ASIC2: variants seen among roughly 807,000 people sequenced by gnomAD.
The protein encoded by ASIC2 is acid sensing ion channel subunit 2.
In ASIC2, 25 loss-of-function variants were observed where a neutral mutation model predicts 57.3. That is an observed-to-expected ratio of 0.44 (90% CI 0.32 to 0.61). ASIC2 has a LOEUF of 0.61. Ranked by LOEUF, ASIC2 falls within the 20% of genes least tolerant of loss-of-function variation. The pLI is 0.06. For synonymous variants in ASIC2, 319 were observed against 307.5 expected, an observed-to-expected ratio of 1.04 and a Z score of -0.39; for missense variants, 641 against 738.1, an observed-to-expected ratio of 0.87 and a Z score of 1.52.
intron 1 of ASIC2, among the ~76,000 whole-genome samples, chr17:34,062,374 T>C (rs150133996): frequency 0.01 from 1,580 of 152,172 alleles, 22 homozygotes; most frequent in African/African-American, 0.034. Context: ...GCAGCAAAAG[T>C]GGCGTTAAGA....
In ASIC2 at chr17:33,854,683, A is replaced by G. The variant is rs576149485; in HGVS notation, c.555+301295T>C. Among the ~76,000 whole-genome samples, 17 of 152,254 alleles carry G rather than the reference A, an allele frequency of 1.1e-4. No individual in the cohort carries two copies. In the East Asian group the frequency reaches 1.2e-3, roughly 10 times the overall value. ...GTGTCTAAGCTGTGCCAACCTGCAC[A>G]TTTGGGTGAGTGGCCCCTGTGGATT... is the stretch of plus-strand genomic sequence containing the variant. On this transcript the variant is annotated intron_variant, in intron 1 of 9. Coordinates refer to the ASIC2 transcript ENST00000359872.
chr17:33,251,419 C>T (rs1389152061), intron 1 of ASIC2, among the ~76,000 whole-genome samples: 1 of 152,090 alleles, frequency 6.6e-6, no homozygotes, highest in East Asian at 1.9e-4. Flanking sequence ...AACCTCGAAC[C>T]CCTAGGCTCA....
At position 33,120,224 on chromosome 17, in the gene ASIC2, C is replaced by T. The variant is rs189931742; in HGVS notation, c.709-8157G>A. Reference sequence around the variant, plus strand: ...GCCCATCTGCTGTGATGTGACATTTCCTGTGCTGCTTTCACTAACTGGCAG... The same window carrying T: ...GCCCATCTGCTGTGATGTGACATTTTCTGTGCTGCTTTCACTAACTGGCAG... On this transcript the variant is annotated intron_variant, in intron 1 of 9. Transcript: ENST00000225823. Among the ~76,000 whole-genome samples the T allele has an allele frequency of 3.6e-3, 553 of 152,322 alleles. 3 individuals are homozygous for T. Among genetic ancestry groups the T allele is most frequent in the Admixed American group, 8.4e-3 (128 of 15,300 alleles).
intron 1 of ASIC2, among the ~76,000 whole-genome samples, chr17:33,424,248 A>G (rs1911140638): frequency 6.6e-6 from 1 of 152,138 alleles, no homozygotes; most frequent in South Asian, 2.1e-4. Flanking sequence ...GCCACCTAGA[A>G]CTTTAAATAG....
chr17:33,119,782 G>A (rs1045800862), intron 1 of ASIC2, among the ~76,000 whole-genome samples: 1 of 152,224 alleles, frequency 6.6e-6, no homozygotes, highest in Non-Finnish European at 1.5e-5. Flanking sequence ...GGCAGGTGCT[G>A]TTTCTGAAAA....
intron 3 of ASIC2, among the ~76,000 whole-genome samples, chr17:33,072,695 C>T (rs1217549124): frequency 1.3e-5 from 2 of 152,192 alleles, no homozygotes; most frequent in Non-Finnish European, 2.9e-5. Flanking sequence ...TAGTGATCTG[C>T]TCATGGCTAC....
chr17:33,433,657 G>A (rs1911498628), intron 1 of ASIC2, among the ~76,000 whole-genome samples: 2 of 152,190 alleles, frequency 1.3e-5, no homozygotes, highest in East Asian at 3.9e-4. Flanking sequence ...GGCTGAGACA[G>A]GAGAATCGCT....
chr17:33,718,713 G>A (rs759422434), intron 1 of ASIC2, among the ~76,000 whole-genome samples: 1 of 152,228 alleles, frequency 6.6e-6, no homozygotes, highest in South Asian at 2.1e-4. Context: ...TCCCCAAAGA[G>A]GTGGGAGGTG....
intron 1 of ASIC2, among the ~76,000 whole-genome samples, chr17:34,121,049 GTCC>G (rs1204649380): frequency 6.6e-6 from 1 of 151,988 alleles, no homozygotes; most frequent in Non-Finnish European, 1.5e-5. Flanking sequence ...CAGTACTGGT[GTCC>G]TCCTAATAAG....
chr17:33,618,865 T>C (rs1474802774), intron 1 of ASIC2, among the ~76,000 whole-genome samples: 2 of 152,218 alleles, frequency 1.3e-5, no homozygotes, highest in South Asian at 4.1e-4. Flanking sequence ...GGCTCTCTCA[T>C]GAGCCTGGCC....
Position 33,114,928 on chromosome 17 carries a change from T to C in ASIC2, c.709-2861A>G, listed in dbSNP as rs149720544. On this transcript the variant is annotated intron_variant, in intron 1 of 9. Coordinates refer to ENST00000225823, the MANE Select transcript of ASIC2 (RefSeq NM_183377.2). ...CTAGCGGGGTGCTAAGATCCCCCCATCTCTGAACTTCAATTGATCATTGAC... is the reference window on the plus strand; with the variant it reads ...CTAGCGGGGTGCTAAGATCCCCCCACCTCTGAACTTCAATTGATCATTGAC... Among the ~76,000 whole-genome samples, 171 of 152,294 alleles carry C rather than the reference T, an allele frequency of 1.1e-3. 1 individual carries two copies. Among genetic ancestry groups the C allele is most frequent in the African/African-American group, 3.7e-3 (155 of 41,564 alleles).
At chr17:34,101,179 T>C (rs932243858) in intron 1 of ASIC2, among the ~76,000 whole-genome samples, 11 of 152,220 alleles carry the variant, frequency 7.2e-5, no homozygotes, top group African/African-American at 2.4e-4. Flanking sequence ...TGGAGATCTA[T>C]TCCTCGACTC....
At chr17:33,633,842 C>G (rs1428435166) in intron 1 of ASIC2, among the ~76,000 whole-genome samples, 1 of 152,206 alleles carries the variant, frequency 6.6e-6, no homozygotes, top group Admixed American at 6.5e-5. Context: ...GTTTTACTGC[C>G]ACCTGGGTCT....
chr17:33,591,958 C>T (rs769117316), intron 1 of ASIC2, among the ~76,000 whole-genome samples: 5 of 152,160 alleles, frequency 3.3e-5, no homozygotes, highest in African/African-American at 1.2e-4. Flanking sequence ...GCCATACCTG[C>T]CCTGCCTCTG....
intron 1 of ASIC2, chr17:34,000,691 C>T (rs1170420808): frequency 1.3e-5 from 2 of 152,198 alleles, no homozygotes; most frequent in Non-Finnish European, 2.9e-5. Flanking sequence ...TTCTTTGCTC[C>T]TTCAGGGACT....
rs557003309 is a variant in ASIC2, at chr17:33,337,009, A to G, written c.556-224942T>C. On this transcript the variant is annotated intron_variant, in intron 1 of 9. Transcript: ENST00000359872. ...GGGCTGCGTAGAAATATCTCCAGAGAATGTCCAGCTCCGTTTCTTCTAATT... is the reference window on the plus strand; with the variant it reads ...GGGCTGCGTAGAAATATCTCCAGAGGATGTCCAGCTCCGTTTCTTCTAATT... Among the ~76,000 whole-genome samples, 5 of 152,158 alleles carry G rather than the reference A, an allele frequency of 3.3e-5. No individual in the cohort carries two copies. The East Asian group carries it at 9.7e-4, about 29-fold the overall frequency.
At chr17:33,470,747 C>T (rs1913022396) in intron 1 of ASIC2, among the ~76,000 whole-genome samples, 1 of 152,158 alleles carries the variant, frequency 6.6e-6, no homozygotes, top group Admixed American at 6.5e-5. Flanking sequence ...ATCACACACA[C>T]CCAATCACCT....
intron 1 of ASIC2, among the ~76,000 whole-genome samples, chr17:33,288,556 T>C (rs996947329): frequency 5.3e-5 from 8 of 152,146 alleles, no homozygotes; most frequent in African/African-American, 1.7e-4. Flanking sequence ...CCATGTGCTT[T>C]GAGCAGTGCT....
intron 1 of ASIC2, among the ~76,000 whole-genome samples, chr17:33,867,017 T>C (rs920329758): frequency 3.9e-5 from 6 of 152,178 alleles, no homozygotes; most frequent in Non-Finnish European, 7.4e-5. Context: ...CAGACACTAA[T>C]TGAGGGCCAT....
Sources: allele counts gnomAD v4.1 joint callset (sites outside exome capture counted in the v4.1 genomes callset), GRCh38; gene constraint gnomAD v4.1.1; transcripts MANE v1.5; gene names NCBI Gene and HGNC (gene_info 2026-07-23, HGNC 2026-07-21).